EPB41L5: variants seen among roughly 807,000 people sequenced by gnomAD.
EPB41L5 encodes band 4.1-like protein 5.
EPB41L5 carries 55 observed loss-of-function variants against 106.6 expected under a neutral mutation model. The observed-to-expected ratio is 0.52, with a 90% CI of 0.42 to 0.65. The LOEUF (loss-of-function observed/expected upper bound fraction) is 0.65. Among genes scored for constraint, EPB41L5 ranks in the 30% least tolerant of loss-of-function variants. EPB41L5 has a pLI of 0.00. For synonymous variants in EPB41L5, 297 were observed against 306.7 expected, an observed-to-expected ratio of 0.97 and a Z score of 0.33; for missense variants, 871 against 882.1, an observed-to-expected ratio of 0.99 and a Z score of 0.16.
At chr2:120,091,783 T>G in intron 13 of EPB41L5, 122 bp downstream of exon 13, 1 of 702,974 alleles carries the variant, frequency 1.4e-6, no homozygotes, top group Non-Finnish European at 2.4e-6. Flanking sequence ...TCAACTAAAG[T>G]ACTTTTCTGG....
At chr2:120,091,682 A>G in intron 13 of EPB41L5, 21 bp downstream of exon 13, 1 of 1,571,630 alleles carries the variant, frequency 6.4e-7, no homozygotes, top group South Asian at 1.1e-5. Flanking sequence ...ACCCTCTTTC[A>G]AAGGATTATT....
intron 14 of EPB41L5, among the ~76,000 whole-genome samples, chr2:120,095,634 C>T (rs967269010): frequency 6.6e-6 from 1 of 151,530 alleles, no homozygotes; most frequent in African/African-American, 2.4e-5. Context: ...TTCTGAAGGT[C>T]TTGCTTCTGA....
In EPB41L5 at chr2:120,013,165, G is replaced by T. The variant is rs1297883038; in HGVS notation, c.-54G>T. The T allele has an allele frequency of 6.6e-6, 1 of 152,296 alleles. No individual in the cohort carries two copies. Among genetic ancestry groups the T allele is most frequent in the African/African-American group, 2.4e-5 (1 of 41,458 alleles). 9.4% of individuals were successfully genotyped at this position (152,296 alleles called of 1,614,324 possible). A position where few individuals can be genotyped will look rare whatever the true frequency, so the allele number is the denominator to read the frequency against. ...GCCGCCCCTTTCTCAGCCTTGCTCG[G>T]CTCTTCCCCGCTCTGGTCGCCGGGG... On this transcript the variant is annotated 5_prime_UTR_variant, in exon 1 of 25. Transcript: ENST00000263713.
chr2:120,025,393 A>G (rs901974201), intron 2 of EPB41L5, among the ~76,000 whole-genome samples: 2 of 150,418 alleles, frequency 1.3e-5, no homozygotes, highest in Admixed American at 6.6e-5. Context: ...CTTGCTTTCC[A>G]TTTGCTTGGT....
At chr2:120,036,581 T>C (rs928058598) in intron 2 of EPB41L5, among the ~76,000 whole-genome samples, 5 of 152,238 alleles carry the variant, frequency 3.3e-5, no homozygotes, top group African/African-American at 1.2e-4. Context: ...TCTTGTTTTA[T>C]GTTGTTAATA....
At chr2:120,052,050 C>A (rs1047149252) in intron 3 of EPB41L5, among the ~76,000 whole-genome samples, 9 of 152,210 alleles carry the variant, frequency 5.9e-5, no homozygotes, top group Non-Finnish European at 1.2e-4. Context: ...TGGTCTTGAA[C>A]TCCTGACCTC....
intron 2 of EPB41L5, among the ~76,000 whole-genome samples, chr2:120,031,268 A>G (rs1454557139): frequency 6.6e-6 from 1 of 152,220 alleles, no homozygotes; most frequent in African/African-American, 2.4e-5. Context: ...CTCCGCTTGA[A>G]TTACTCTTTC....
In EPB41L5 at chr2:120,093,211, A is replaced by G. The variant is rs756110979; in HGVS notation, c.1151-38A>G. 9.5e-6 allele frequency: 15 copies of G among 1,574,792 alleles called. No homozygotes were observed. In the African/African-American group the frequency reaches 1.3e-4, roughly 14 times the overall value. On this transcript the variant is annotated intron_variant, in intron 13 of 24. Coordinates refer to ENST00000263713, the MANE Select transcript of EPB41L5 (RefSeq NM_020909.4). ...ATAGTGCAGCAGTTTATCATGTAAG[A>G]TGAAACTAATGAGGTGTTATCTTTT... is the stretch of plus-strand genomic sequence containing the variant.
intron 9 of EPB41L5, 113 bp downstream of exon 9, chr2:120,077,429 G>A (rs992428273): frequency 1.9e-5 from 13 of 690,526 alleles, no homozygotes; most frequent in African/African-American, 1.6e-4. Context: ...CTAGCACTGG[G>A]TACTTTGGAT....
intron 3 of EPB41L5, among the ~76,000 whole-genome samples, chr2:120,057,331 A>G (rs1680724740): frequency 6.6e-6 from 1 of 152,138 alleles, no homozygotes; most frequent in South Asian, 2.1e-4. Flanking sequence ...GCAGAATACT[A>G]CCCCATCGTC....
At chr2:120,065,729 C>G (rs964507826) in intron 3 of EPB41L5, among the ~76,000 whole-genome samples, 1 of 152,086 alleles carries the variant, frequency 6.6e-6, no homozygotes, top group African/African-American at 2.4e-5. Flanking sequence ...GTTGGCCAGG[C>G]TGGTCTGAAA....
chr2:120,163,224 C>G (rs957221940), intron 21 of EPB41L5, among the ~76,000 whole-genome samples: 6 of 151,276 alleles, frequency 4.0e-5, no homozygotes, highest in African/African-American at 1.5e-4. Flanking sequence ...CATTACACTC[C>G]AGCCTGGGTG....
At chr2:120,174,794 C>T in intron 24 of EPB41L5, 47 bp from the exon 25 acceptor site, 1 of 1,577,364 alleles carries the variant, frequency 6.3e-7, no homozygotes, top group Non-Finnish European at 8.7e-7. Flanking sequence ...ATGTCCTCCT[C>T]CAAACCCCAG....
At chr2:120,065,271 A>G (rs1377567907) in intron 3 of EPB41L5, among the ~76,000 whole-genome samples, 1 of 151,814 alleles carries the variant, frequency 6.6e-6, no homozygotes, top group Non-Finnish European at 1.5e-5. Context: ...ATATGCCACC[A>G]TGCTCAGCTA....
At chr2:120,064,715 A>G (rs1179921600) in intron 3 of EPB41L5, among the ~76,000 whole-genome samples, 1 of 152,220 alleles carries the variant, frequency 6.6e-6, no homozygotes, top group Non-Finnish European at 1.5e-5. Flanking sequence ...CAGTGAAGAA[A>G]GAGAATCTTA....
intron 4 of EPB41L5, 130 bp downstream of exon 4, chr2:120,073,350 T>G: frequency 1.3e-6 from 1 of 792,586 alleles, no homozygotes; most frequent in South Asian, 1.8e-5. Context: ...TAGAAATTAT[T>G]TTATTCTGAT....
rs757825101 is a variant in EPB41L5, at chr2:120,100,773, T to G, written c.1296T>G (p.Asn432Lys). 16 of 1,612,532 alleles carry G rather than the reference T, an allele frequency of 9.9e-6. No homozygotes were observed. In the Admixed American group the frequency reaches 2.7e-4, roughly 27 times the overall value. ...SSAPVPVEIE[N>K]LPQSPGTDQH... ...CTCCTGTGCCAGTGGAGATAGAGAA[T>G]CTTCCACAGAGTCCTGGAACAGACC... is the stretch of plus-strand genomic sequence containing the variant. Residue 432 changes from asparagine to lysine, a missense_variant, in exon 16 of 25, where the codon AAT (asparagine) becomes AAG (lysine). Asn to Lys is a moderately conservative substitution (Grantham distance 94). Coordinates refer to ENST00000263713, the MANE Select transcript of EPB41L5 (RefSeq NM_020909.4).
At chr2:120,138,399 A>G (rs1164348644) in intron 18 of EPB41L5, among the ~76,000 whole-genome samples, 1 of 152,102 alleles carries the variant, frequency 6.6e-6, no homozygotes, top group Non-Finnish European at 1.5e-5. Flanking sequence ...GAAAGGAAGA[A>G]TTCAAATTAT....
At chr2:120,075,428 C>A in intron 5 of EPB41L5, 48 bp from the exon 6 acceptor site, 1 of 1,360,000 alleles carries the variant, frequency 7.4e-7, no homozygotes, top group Non-Finnish European at 1.0e-6. Flanking sequence ...TTTTTTTTCA[C>A]AGTCGATTGT....
Sources: allele counts gnomAD v4.1 joint callset (sites outside exome capture counted in the v4.1 genomes callset), GRCh38; gene constraint gnomAD v4.1.1; transcripts MANE v1.5; gene names NCBI Gene and HGNC (gene_info 2026-07-23, HGNC 2026-07-21).